The following UNC13A variants were observed in gnomAD, a reference collection of about 807,000 sequenced individuals.
UNC13A encodes unc-13 homolog A.
UNC13A carries 61 observed loss-of-function variants against 219.7 expected under a neutral mutation model. The observed-to-expected ratio is 0.28, with a 90% confidence interval of 0.23 to 0.34. UNC13A has a LOEUF of 0.34. UNC13A is among the 10% of genes least tolerant of loss of function. The pLI, the probability that UNC13A is intolerant of heterozygous loss-of-function variation, is 1.00. For synonymous variants in UNC13A, 920 were observed against 884.6 expected, an observed-to-expected ratio of 1.04 and a Z score of -0.71; for missense variants, 1,476 against 2,270.3, an observed-to-expected ratio of 0.65 and a Z score of 7.11.
In UNC13A at chr19:17,655,348, C is replaced by G. The variant is rs753966640; in HGVS notation, c.1318G>C (p.Gly440Arg). 2 of 1,590,652 alleles carry G rather than the reference C, an allele frequency of 1.3e-6. No individual in the cohort carries two copies. Among genetic ancestry groups the G allele is most frequent in the South Asian group, 2.3e-5 (2 of 87,116 alleles). Residue 440 changes from glycine to arginine, a missense_variant, in exon 11 of 44, where the codon GGG (glycine) becomes CGG (arginine). Gly to Arg is a moderately radical substitution (Grantham distance 125). This residue lies in a region of UNC13A where 351 missense variants were observed against 342.6 expected (regional missense o/e 1.02). Transcript: ENST00000519716. ...RPREDEEGQE[G>R]QDSMSRAKAN... ...TTGGCCCTGGACATGGAGTCCTGCC[C>G]CTCCTGGCCTTCCTCATCCTCTCTC...
chr19:17,684,412 G>A (rs2080072114), intron 1 of UNC13A, among the ~76,000 whole-genome samples: 3 of 152,140 alleles, frequency 2.0e-5, no homozygotes, highest in Admixed American at 1.3e-4. Flanking sequence ...GAATAGGGCT[G>A]GGTCCCAGAG....
At chr19:17,684,787 T>A (rs1599424624) in intron 1 of UNC13A, among the ~76,000 whole-genome samples, 1 of 152,058 alleles carries the variant, frequency 6.6e-6, no homozygotes, top group Non-Finnish European at 1.5e-5. Context: ...GTGTGCAGAG[T>A]ATGTGCACCA....
intron 8 of UNC13A, among the ~76,000 whole-genome samples, chr19:17,662,320 C>G (rs992446408): frequency 6.6e-6 from 1 of 151,972 alleles, no homozygotes; most frequent in African/African-American, 2.4e-5. Flanking sequence ...AGGTTGTGTG[C>G]TCCTTATGAG....
intron 1 of UNC13A, among the ~76,000 whole-genome samples, chr19:17,683,109 A>T (rs4808679): frequency 0.62 from 94,107 of 151,902 alleles, 30,865 homozygotes; most frequent in African/African-American, 0.79. Flanking sequence ...CCAGGGCAGA[A>T]CATCACTCCA....
At chr19:17,655,800 A>G (rs1261798845) in intron 10 of UNC13A, 83 bp downstream of exon 10, 2 of 1,432,340 alleles carry the variant, frequency 1.4e-6, no homozygotes, top group Non-Finnish European at 1.8e-6. Flanking sequence ...GCAACTTCCC[A>G]GGTCCACGCT....
chr19:17,640,579 A>G lies in UNC13A; in HGVS notation c.2719T>C (p.Tyr907His), dbSNP rs1274023272. The G allele has an allele frequency of 6.4e-7, 1 of 1,571,246 alleles. No homozygotes were observed. Among genetic ancestry groups the G allele is most frequent in the South Asian group, 1.2e-5 (1 of 85,270 alleles). ...GTGGAGGCGGTGGTGTGTGCGTAGT[A>G]GGCATTGATGTTGGCGAGCAGGGTG... ...MSTLLANINA[Y>H]YAHTTASTNV... The change falls in exon 22 of 44, where the codon TAC (tyrosine) becomes CAC (histidine). Residue 907 changes from tyrosine to histidine, a missense_variant. Physicochemically the swap from Tyr to His is moderately conservative, Grantham distance 83 (BLOSUM62 2). This residue lies in a region of UNC13A where 140 missense variants were observed against 270.9 expected (regional missense o/e 0.52). Coordinates refer to ENST00000519716, the MANE Select transcript of UNC13A (RefSeq NM_001080421.3).
intron 25 of UNC13A, among the ~76,000 whole-genome samples, chr19:17,636,753 G>C (rs1777575068): frequency 6.6e-6 from 1 of 152,054 alleles, no homozygotes; most frequent in African/African-American, 2.4e-5. Context: ...ACCCACCTTT[G>C]TTAATCAATG....
In UNC13A at chr19:17,649,207, T is replaced by C. The variant is rs1482561875; in HGVS notation, c.1524+132A>G. The C allele has an allele frequency of 2.8e-6, 4 of 1,429,400 alleles. No homozygotes were observed. Among genetic ancestry groups the C allele is most frequent in the African/African-American group, 1.4e-5 (1 of 70,814 alleles). 88.5% of individuals were successfully genotyped at this position (1,429,400 alleles called of 1,614,324 possible). ...TGGAAAGTGAGCAGCCCCGCACCCC[T>C]GACTCACAGCATCCAACACAGTGGG... is the stretch of plus-strand genomic sequence containing the variant. On this transcript the variant is annotated intron_variant, in intron 14 of 43. Coordinates refer to ENST00000519716, the MANE Select transcript of UNC13A (RefSeq NM_001080421.3). This position sits in a 1 kb window ranked among gnomAD's most constrained non-coding sequence, Gnocchi z 4.4.
intron 1 of UNC13A, among the ~76,000 whole-genome samples, chr19:17,684,335 C>T (rs2080070545): frequency 1.3e-5 from 2 of 152,166 alleles, no homozygotes; most frequent in South Asian, 4.1e-4. Flanking sequence ...CCCCACTCCT[C>T]AGCTCCCTTA....
At chr19:17,648,013 C>T (rs1488690526) in intron 16 of UNC13A, among the ~76,000 whole-genome samples, 1 of 145,996 alleles carries the variant, frequency 6.8e-6, no homozygotes, top group Non-Finnish European at 1.5e-5. Context: ...AGTCCCCTCC[C>T]CCTTCCAATC....
chr19:17,658,137 G>A lies in UNC13A; in HGVS notation c.692C>T (p.Pro231Leu). The change falls in exon 9 of 44, where the codon CCA (proline) becomes CTA (leucine). Residue 231 changes from proline (P) to leucine (L), a missense_variant. Transcript: ENST00000519716. ...ASVHQYSVRP[P>L]PLGSRESYSD... ...GTAGGACTCCCGGGAGCCCAGGGGT[G>A]GTGGGCGAACAGAATATTGGTGGAC... 2.5e-6 allele frequency: 4 copies of A among 1,613,916 alleles called. No individual in the cohort carries two copies.
Position 17,655,203 on chromosome 19 carries a change from AC to A in UNC13A, c.1392+70del, listed in dbSNP as rs897351853. The A allele has an allele frequency of 1.1e-5, 14 of 1,330,046 alleles. No homozygotes were observed. The Admixed American group carries it at 1.2e-4, about 11-fold the overall frequency. 82.4% of individuals were successfully genotyped at this position (1,330,046 alleles called of 1,614,324 possible). ...CAATATAGGTGTGGGTGTGGCCAAA[AC>A]ATGTGTGGGCCTGCCATTGGGCGTG... On this transcript the variant is annotated intron_variant, in intron 11 of 43. Transcript: ENST00000519716.
At chr19:17,646,581 C>T (rs937403739) in intron 17 of UNC13A, among the ~76,000 whole-genome samples, 2 of 152,100 alleles carry the variant, frequency 1.3e-5, no homozygotes, top group Non-Finnish European at 2.9e-5. Flanking sequence ...AGCTGCCTTG[C>T]GCATGGGTAG....
At chr19:17,643,289 G>A (rs2076990113) in intron 19 of UNC13A, among the ~76,000 whole-genome samples, 1 of 150,060 alleles carries the variant, frequency 6.7e-6, no homozygotes, top group African/African-American at 2.5e-5. Context: ...TGGAATTACA[G>A]GCGTGAGTCA....
chr19:17,630,562 A>G, intron 29 of UNC13A, 92 bp downstream of exon 29: 1 of 1,359,452 alleles, frequency 7.4e-7, no homozygotes, highest in Non-Finnish European at 1.0e-6. Flanking sequence ...GCGGACACCT[A>G]CCAGAGACTG....
At chr19:17,660,525 T>C (rs1376522601) in intron 8 of UNC13A, among the ~76,000 whole-genome samples, 2 of 128,052 alleles carry the variant, frequency 1.6e-5, no homozygotes, top group African/African-American at 3.1e-5. Context: ...GTTTGTTTGT[T>C]GGTTTTTGGG....
At chr19:17,618,318 T>C (rs1166320978) in intron 40 of UNC13A, 103 bp downstream of exon 40, 3 of 1,254,088 alleles carry the variant, frequency 2.4e-6, no homozygotes, top group Non-Finnish European at 2.3e-6. Flanking sequence ...TGTCCATAAA[T>C]TGAACAAATT....
In UNC13A at chr19:17,661,104, C is replaced by CTTTTTT. The variant is rs11287808; in HGVS notation, c.559+2422_559+2427dup. Among the ~76,000 whole-genome samples, 81 of 135,382 alleles carry CTTTTTT rather than the reference C, an allele frequency of 6.0e-4. 1 individual carries two copies. The highest frequency in any genetic ancestry group is 1.3e-3 in the African/African-American group (48 of 36,600). The allele number at this position is 135,382 out of a possible 152,430, so 88.8% of individuals were successfully genotyped here. A position where few individuals can be genotyped will look rare whatever the true frequency, so the allele number is the denominator to read the frequency against. On this transcript the variant is annotated intron_variant, in intron 8 of 43. Coordinates refer to ENST00000519716, the MANE Select transcript of UNC13A (RefSeq NM_001080421.3). Reference sequence around the variant, plus strand: ...CAGGGGCGTGCCACCACACCCGGCCCTTTTTTTTTTTTTTTGTAGAGATGG... The same window carrying CTTTTTT: ...CAGGGGCGTGCCACCACACCCGGCCCTTTTTTTTTTTTTTTTTTTTTGTAGAGATGG...
chr19:17,651,805 T>C (rs11673282), intron 12 of UNC13A, among the ~76,000 whole-genome samples: 103,446 of 151,988 alleles, frequency 0.68, 36,145 homozygotes, highest in African/African-American at 0.86. Flanking sequence ...TCCCAGCTGC[T>C]GTCTCCCTGC....
Sources: gnomAD v4.1 joint callset for allele counts (sites outside exome capture counted in the v4.1 genomes callset) on GRCh38, gnomAD v4.1.1 for gene constraint, gnomAD v4.1.1 regional missense constraint, Gnocchi (gnomAD v3.1) non-coding constraint, MANE v1.5 for transcripts, NCBI Gene and HGNC (gene_info 2026-07-23, HGNC 2026-07-21) for gene names.